Variants in ADAMTS12 observed in about 807,000 individuals in gnomAD.
ADAMTS12 encodes the protein A disintegrin and metalloproteinase with thrombospondin motifs 12.
A neutral mutation model predicts 167.8 loss-of-function variants in ADAMTS12; 118 were observed. The observed-to-expected ratio is 0.70, with a 90% CI of 0.61 to 0.82. The LOEUF is 0.82. Among genes scored for constraint, ADAMTS12 ranks in the 40% least tolerant of loss-of-function variants. ADAMTS12 has a pLI of 0.00. For missense variants in ADAMTS12, 1,916 were observed against 1,998.8 expected, an observed-to-expected ratio of 0.96 and a Z score of 0.79; for synonymous variants, 704 against 716.9, an observed-to-expected ratio of 0.98 and a Z score of 0.29.
At chr5:33,757,771 C>T (rs1481446018) in intron 2 of ADAMTS12, among the ~76,000 whole-genome samples, 2 of 152,204 alleles carry the variant, frequency 1.3e-5, no homozygotes, top group Non-Finnish European at 2.9e-5. Flanking sequence ...CCAGTTGTCT[C>T]ATCTGTAAGA....
At chr5:33,579,807 G>A (rs540655760) in intron 18 of ADAMTS12, among the ~76,000 whole-genome samples, 1 of 152,310 alleles carries the variant, frequency 6.6e-6, no homozygotes, top group African/African-American at 2.4e-5. Flanking sequence ...GACAATTAGT[G>A]ATTGAAAGCT....
At chr5:33,820,907 T>C (rs945933695) in intron 2 of ADAMTS12, among the ~76,000 whole-genome samples, 1 of 151,948 alleles carries the variant, frequency 6.6e-6, no homozygotes, top group African/African-American at 2.4e-5. Flanking sequence ...CACCTATGAG[T>C]GGGAGCTAAA....
At chr5:33,654,874 TTGTGTGTGTGTG>T (rs34219097) in intron 7 of ADAMTS12, among the ~76,000 whole-genome samples, 2 of 141,568 alleles carry the variant, frequency 1.4e-5, no homozygotes, top group African/African-American at 2.7e-5. Context: ...GTGGGTGATT[TTGTGTGTGTGTG>T]TGTGTGTGTG....
intron 10 of ADAMTS12, among the ~76,000 whole-genome samples, chr5:33,642,520 A>C (rs6861765): frequency 0.56 from 85,839 of 151,966 alleles, 24,910 homozygotes; most frequent in East Asian, 0.67. Context: ...GAAAAAAATT[A>C]CACTTTCTTT....
chr5:33,647,981 CTT>C (rs1284088608), intron 9 of ADAMTS12, among the ~76,000 whole-genome samples: 1 of 152,202 alleles, frequency 6.6e-6, no homozygotes, highest in Non-Finnish European at 1.5e-5. Flanking sequence ...GAGACTTTGT[CTT>C]ATTAATTTTT....
chr5:33,651,931 G>T (rs1052260113), intron 7 of ADAMTS12, among the ~76,000 whole-genome samples: 2 of 152,086 alleles, frequency 1.3e-5, no homozygotes, highest in African/African-American at 2.4e-5. Flanking sequence ...TAGGATAATG[G>T]TCTCCAACTC....
At chr5:33,727,909 C>A (rs1048231689) in intron 3 of ADAMTS12, among the ~76,000 whole-genome samples, 2 of 152,186 alleles carry the variant, frequency 1.3e-5, no homozygotes, top group Admixed American at 6.5e-5. Context: ...AGGCAGTAGG[C>A]TTACTGAGAG....
intron 2 of ADAMTS12, among the ~76,000 whole-genome samples, chr5:33,879,065 T>A (rs745560848): frequency 6.6e-6 from 1 of 152,202 alleles, no homozygotes; most frequent in Non-Finnish European, 1.5e-5. Flanking sequence ...GGTTTCTTTG[T>A]GGGCTAATGA....
At chr5:33,604,870 T>C (rs143122695) in intron 16 of ADAMTS12, among the ~76,000 whole-genome samples, 378 of 152,212 alleles carry the variant, frequency 2.5e-3, no homozygotes, top group African/African-American at 8.9e-3. Context: ...TACACTCTAA[T>C]CAAACCTGTA....
chr5:33,637,765 A>C lies in ADAMTS12; in HGVS notation c.1719-19T>G. On this transcript the variant is annotated intron_variant, in intron 11 of 23. Coordinates refer to ENST00000504830, the MANE Select transcript of ADAMTS12 (RefSeq NM_030955.4). ...CTTTGGCCTGCAAATGAAACAGACA[A>C]GCTTTTCTTTTAGTTTGCTTCAACG... The C allele has an allele frequency of 6.2e-7, 1 of 1,610,060 alleles. No homozygotes were observed. The highest frequency in any genetic ancestry group is 8.5e-7 in the Non-Finnish European group (1 of 1,177,782).
At chr5:33,767,307 T>C (rs1745570201) in intron 2 of ADAMTS12, among the ~76,000 whole-genome samples, 1 of 152,172 alleles carries the variant, frequency 6.6e-6, no homozygotes, top group South Asian at 2.1e-4. Flanking sequence ...ATACTTTCAG[T>C]AAAAATTCTG....
chr5:33,623,690 G>A (rs1739439266), intron 14 of ADAMTS12, among the ~76,000 whole-genome samples: 1 of 152,170 alleles, frequency 6.6e-6, no homozygotes, highest in Non-Finnish European at 1.5e-5. Context: ...CCCCTCCCAG[G>A]GAGCAATTGG....
chr5:33,751,476 C>G lies in ADAMTS12; in HGVS notation c.562G>C (p.Gly188Arg), dbSNP rs776906040. The G allele has an allele frequency of 1.2e-6, 2 of 1,614,110 alleles. No individual in the cohort carries two copies. The highest frequency in any genetic ancestry group is 4.5e-5 in the East Asian group (2 of 44,868). ...CTGTAAACGATGTGCGGGTGGTACCCTCCCTCAACCAGTGGATGCTTCTTC... is the reference window on the plus strand; with the variant it reads ...CTGTAAACGATGTGCGGGTGGTACCGTCCCTCAACCAGTGGATGCTTCTTC... ...PVKKHPLVEG[G>R]YHPHIVYRRQ... The change falls in exon 3 of 24, where the codon GGG (glycine) becomes CGG (arginine). Residue 188 changes from glycine to arginine, a missense_variant. Coordinates refer to ENST00000504830, the MANE Select transcript of ADAMTS12 (RefSeq NM_030955.4).
At chr5:33,808,362 C>T (rs893894174) in intron 2 of ADAMTS12, among the ~76,000 whole-genome samples, 28 of 152,222 alleles carry the variant, frequency 1.8e-4, no homozygotes, top group African/African-American at 6.5e-4. Flanking sequence ...CGTTATGCCC[C>T]ATGCCAATTA....
At chr5:33,636,255 G>A (rs1240229922) in intron 12 of ADAMTS12, among the ~76,000 whole-genome samples, 2 of 152,164 alleles carry the variant, frequency 1.3e-5, no homozygotes, top group Non-Finnish European at 1.5e-5. Context: ...AGCTCTGACA[G>A]GCTGCTCATT....
At chr5:33,554,905 A>T (rs1304663364) in intron 20 of ADAMTS12, among the ~76,000 whole-genome samples, 5 of 152,218 alleles carry the variant, frequency 3.3e-5, no homozygotes, top group Non-Finnish European at 7.3e-5. Flanking sequence ...AATAACTTAG[A>T]TGATAAAGTT....
At chr5:33,588,985 CCGTAGCTCT>C (rs1252569262) in intron 17 of ADAMTS12, among the ~76,000 whole-genome samples, 176 bp from the exon 18 acceptor site, 2 of 152,174 alleles carry the variant, frequency 1.3e-5, no homozygotes, top group African/African-American at 2.4e-5. Context: ...AATCATAGCT[CCGTAGCTCT>C]GCAGGGCGCC....
chr5:33,849,026 T>G (rs1749065279), intron 2 of ADAMTS12, among the ~76,000 whole-genome samples: 1 of 149,054 alleles, frequency 6.7e-6, no homozygotes, highest in Non-Finnish European at 1.5e-5. Context: ...ATGTATTGCA[T>G]AGCAATATAT....
chr5:33,661,261 G>A (rs1741249010), intron 6 of ADAMTS12, among the ~76,000 whole-genome samples: 1 of 152,164 alleles, frequency 6.6e-6, no homozygotes, highest in African/African-American at 2.4e-5. Context: ...GAATCAATGA[G>A]CAAACATAGC....
Sources: gnomAD v4.1 joint callset for allele counts (sites outside exome capture counted in the v4.1 genomes callset) on GRCh38, gnomAD v4.1.1 for gene constraint, MANE v1.5 for transcripts, NCBI Gene and HGNC (gene_info 2026-07-23, HGNC 2026-07-21) for gene names.